Variants in NT5DC3 observed in about 807,000 individuals in gnomAD.
NT5DC3 encodes 5'-nucleotidase domain-containing protein 3.
NT5DC3 carries 42 observed loss-of-function variants against 67.8 expected under a neutral mutation model. The observed-to-expected ratio is 0.62, with a 90% confidence interval of 0.48 to 0.80. The LOEUF is 0.80. Ranked by LOEUF, NT5DC3 falls within the 30% of genes least tolerant of loss-of-function variation. NT5DC3 has a pLI of 0.00. For synonymous variants in NT5DC3, 237 were observed against 255.6 expected (o/e 0.93, Z 0.69); for missense variants, 570 against 696.4 (o/e 0.82, Z 2.04).
chr12:103,755,310 C>G, the NT5DC3 span: 5 of 1,613,946 alleles, frequency 3.1e-6, no homozygotes, highest in Non-Finnish European at 4.2e-6. Flanking sequence ...AGGCCAAGTA[C>G]CACCTGTGCT....
the NT5DC3 span, chr12:103,762,178 C>T: frequency 2.0e-6 from 3 of 1,523,280 alleles, no homozygotes; most frequent in Non-Finnish European, 2.7e-6. Flanking sequence ...GTATTTTTAT[C>T]CCCACTGGCT....
intron 6 of NT5DC3, among the ~76,000 whole-genome samples, chr12:103,794,608 C>A (rs2139347346): frequency 6.6e-6 from 1 of 152,304 alleles, no homozygotes; most frequent in African/African-American, 2.4e-5. Context: ...AATTTATATC[C>A]AGTACTGTGA....
intron 11 of NT5DC3, among the ~76,000 whole-genome samples, chr12:103,786,681 A>ATTTTTTTTTTTTTTTTTTTTTTTTTT (rs3036176): frequency 1.5e-5 from 2 of 132,366 alleles, no homozygotes; most frequent in Non-Finnish European, 1.6e-5. Context: ...CACTGGTTTG[A>ATTTTTTTTTTTTTTTTTTTTTTTTTT]TTTTTTTTTT....
chr12:103,761,158 A>T, the NT5DC3 span: 1 of 685,854 alleles, frequency 1.5e-6, no homozygotes, highest in Non-Finnish European at 2.5e-6. Flanking sequence ...CCAGAGGGTG[A>T]GGAGAAGTCC....
intron 9 of NT5DC3, 132 bp downstream of exon 9, chr12:103,793,032 A>C (rs1323831451): frequency 4.2e-6 from 3 of 705,952 alleles, no homozygotes; most frequent in Non-Finnish European, 7.4e-6. Context: ...TACTTGCTAG[A>C]AGGGTTAAAA....
At chr12:103,766,739 T>A (rs1884991629), downstream of NT5DC3, 1 of 169,124 alleles carries the variant, frequency 5.9e-6, no homozygotes, top group African/African-American at 2.4e-5. Flanking sequence ...ACAAACCTAG[T>A]GTTTTGGGAC....
intron 1 of NT5DC3, among the ~76,000 whole-genome samples, chr12:103,817,661 C>CAAA (rs1887319019): frequency 6.6e-6 from 1 of 152,138 alleles, no homozygotes; most frequent in Non-Finnish European, 1.5e-5. Context: ...ATTTCACAAA[C>CAAA]GAAGACACTA....
chr12:103,837,301 G>A (rs1888192099), intron 1 of NT5DC3, among the ~76,000 whole-genome samples: 1 of 152,208 alleles, frequency 6.6e-6, no homozygotes, highest in Non-Finnish European at 1.5e-5. Context: ...GGGCCTCCAA[G>A]CATGTAATGG....
chr12:103,774,704 AAG>A lies in NT5DC3; in HGVS notation c.*3123_*3124del, dbSNP rs1350204473. The stretch of plus-strand genomic sequence containing the variant: ...AATCTCAAAAAAAAAAAAAAAAAAA[AAG>A]AGAAAAGAGTCATGACGAGGCCAGG... On this transcript the variant is annotated 3_prime_UTR_variant, in exon 14 of 14. Transcript: ENST00000392876. 11 of 150,946 alleles carry A rather than the reference AAG, an allele frequency of 7.3e-5. No individual in the cohort carries two copies. The highest frequency in any genetic ancestry group is 2.0e-4 in the Admixed American group (3 of 15,136). The allele number at this position is 150,946 out of a possible 1,614,324, so 9.4% of individuals were successfully genotyped here.
At chr12:103,820,633 G>A (rs1887453554) in intron 1 of NT5DC3, among the ~76,000 whole-genome samples, 1 of 152,066 alleles carries the variant, frequency 6.6e-6, no homozygotes, top group African/African-American at 2.4e-5. Flanking sequence ...AGCAGTGTGT[G>A]GAGACAACAC....
chr12:103,837,289 C>T (rs1031765285), intron 1 of NT5DC3, among the ~76,000 whole-genome samples: 5 of 152,216 alleles, frequency 3.3e-5, no homozygotes, highest in Admixed American at 2.6e-4. Context: ...CTTTTCCCTC[C>T]TGGGCCTCCA....
At chr12:103,766,221 A>C, downstream of NT5DC3, 1 of 1,604,468 alleles carries the variant, frequency 6.2e-7, no homozygotes, top group African/African-American at 1.3e-5. Context: ...AGTGGCCACC[A>C]GAAAGATTCA....
the NT5DC3 span, among the ~76,000 whole-genome samples, chr12:103,752,659 G>A: frequency 5.3e-5 from 8 of 152,266 alleles, no homozygotes; most frequent in Admixed American, 2.6e-4. Flanking sequence ...GTTTTTTATA[G>A]CTGTAAAGGT....
At chr12:103,786,836 C>G in intron 11 of NT5DC3, among the ~76,000 whole-genome samples, 1 of 152,092 alleles carries the variant, frequency 6.6e-6, no homozygotes, top group East Asian at 1.9e-4. Context: ...GCGTGTGCTA[C>G]CACGCCCAGA....
chr12:103,751,892 T>C, the NT5DC3 span, among the ~76,000 whole-genome samples: 1 of 152,208 alleles, frequency 6.6e-6, no homozygotes, highest in Non-Finnish European at 1.5e-5. Flanking sequence ...CTGTTGGAGC[T>C]GTGTGGTTAC....
At position 103,840,939 on chromosome 12, in the gene NT5DC3, C is replaced by T; in HGVS notation, c.208+10G>A. On this transcript the variant is annotated intron_variant, in intron 1 of 13. Transcript: ENST00000392876. ...CCCAGGCGCCGGGGCGGGGTCGCCGCCTCACTCACCTTCTGTGCTTCTCTT... is the reference window on the plus strand; with the variant it reads ...CCCAGGCGCCGGGGCGGGGTCGCCGTCTCACTCACCTTCTGTGCTTCTCTT... The T allele has an allele frequency of 7.4e-7, 1 of 1,353,084 alleles. No individual in the cohort carries two copies. Among genetic ancestry groups the T allele is most frequent in the Non-Finnish European group, 9.6e-7 (1 of 1,043,702 alleles). The allele number at this position is 1,353,084 out of a possible 1,614,324, so 83.8% of individuals were successfully genotyped here.
rs1344316970 is a variant in NT5DC3 at position 103,797,329 on chromosome 12, G to A, written c.616-298C>T. On this transcript the variant is annotated intron_variant, in intron 5 of 13. Coordinates refer to ENST00000392876, the MANE Select transcript of NT5DC3 (RefSeq NM_001031701.3). ...TACTAAAAAATACAAAAATTTGCTG[G>A]GCATGGTGGTGGGTGCCTGAATCCC... Among the ~76,000 whole-genome samples, 5 of 151,954 alleles carry A rather than the reference G, an allele frequency of 3.3e-5. No homozygotes were observed. In the South Asian group the frequency reaches 1.0e-3, roughly 32 times the overall value.
chr12:103,761,481 T>G, the NT5DC3 span: 3 of 1,335,390 alleles, frequency 2.2e-6, no homozygotes, highest in Non-Finnish European at 3.2e-6. Context: ...GGCAAACCAT[T>G]ACCAGAAGCC....
intron 2 of NT5DC3, among the ~76,000 whole-genome samples, chr12:103,808,015 C>T (rs1211789217): frequency 6.6e-6 from 1 of 152,178 alleles, no homozygotes; most frequent in African/African-American, 2.4e-5. Context: ...CCCAGTTCCC[C>T]GGGTATTTCC....
Sources: allele counts gnomAD v4.1 joint callset (sites outside exome capture counted in the v4.1 genomes callset), GRCh38; gene constraint gnomAD v4.1.1; transcripts MANE v1.5; gene names NCBI Gene and HGNC (gene_info 2026-07-23, HGNC 2026-07-21).